KIF16B: variants seen among roughly 807,000 people sequenced by gnomAD.
KIF16B encodes kinesin family member 16B.
Under a neutral mutation model 156.3 loss-of-function variants are expected in KIF16B, and 98 were observed. That is an observed-to-expected ratio of 0.63 (90% CI 0.53 to 0.74). KIF16B has a LOEUF of 0.74. KIF16B is among the 30% of genes least tolerant of loss of function. KIF16B has a pLI of 0.00. For synonymous variants in KIF16B, 564 were observed against 583.7 expected, an observed-to-expected ratio of 0.97 and a Z score of 0.49; for missense variants, 1,421 against 1,606.5, an observed-to-expected ratio of 0.88 and a Z score of 1.97.
chr20:16,473,481 T>C (rs2067721938), intron 12 of KIF16B, among the ~76,000 whole-genome samples: 1 of 152,092 alleles, frequency 6.6e-6, no homozygotes, highest in Non-Finnish European at 1.5e-5. Flanking sequence ...AAACATAAAA[T>C]TGCAAGTTAT....
intron 12 of KIF16B, among the ~76,000 whole-genome samples, chr20:16,484,931 T>A (rs1008506): frequency 0.11 from 17,200 of 152,154 alleles, 1,267 homozygotes; most frequent in Non-Finnish European, 0.17. Flanking sequence ...CGTGGCAGAT[T>A]TTTTTGCAAA....
chr20:16,477,693 A>G (rs962720098), intron 12 of KIF16B, among the ~76,000 whole-genome samples: 1 of 152,196 alleles, frequency 6.6e-6, no homozygotes, highest in African/African-American at 2.4e-5. Flanking sequence ...TGTTTGCTGA[A>G]AAGTTTTCTA....
intron 12 of KIF16B, among the ~76,000 whole-genome samples, chr20:16,455,656 T>C (rs193264420): frequency 6.6e-6 from 1 of 152,066 alleles, no homozygotes; most frequent in Non-Finnish European, 1.5e-5. Flanking sequence ...ATTTTGCATA[T>C]AATAAAGACA....
At chr20:16,339,573 A>C (rs1273182929) in intron 23 of KIF16B, among the ~76,000 whole-genome samples, 1 of 152,118 alleles carries the variant, frequency 6.6e-6, no homozygotes, top group Non-Finnish European at 1.5e-5. Flanking sequence ...AAGCTGGCCT[A>C]CTCAGATGTC....
At chr20:16,453,728 A>T (rs550407348) in intron 12 of KIF16B, among the ~76,000 whole-genome samples, 28 of 152,354 alleles carry the variant, frequency 1.8e-4, no homozygotes, top group African/African-American at 6.3e-4. Context: ...ATTCATTAAC[A>T]TTCCAGAAGA....
chr20:16,282,536 A>G (rs1343438629), intron 25 of KIF16B, among the ~76,000 whole-genome samples: 1 of 152,048 alleles, frequency 6.6e-6, no homozygotes, highest in East Asian at 1.9e-4. Context: ...GCCAAGACCC[A>G]TAGGGTGATG....
At chr20:16,371,969 G>A (rs1451335235) in intron 20 of KIF16B, among the ~76,000 whole-genome samples, 1 of 152,102 alleles carries the variant, frequency 6.6e-6, no homozygotes, top group Non-Finnish European at 1.5e-5. Context: ...AAATGAGGTA[G>A]AACTGAACAA....
At chr20:16,276,594 A>C (rs1346716839) in intron 25 of KIF16B, among the ~76,000 whole-genome samples, 2 of 152,232 alleles carry the variant, frequency 1.3e-5, no homozygotes, top group Non-Finnish European at 2.9e-5. Flanking sequence ...CAGCGACCTC[A>C]AAGTGCTCTA....
intron 1 of KIF16B, among the ~76,000 whole-genome samples, chr20:16,531,926 G>T (rs2069767020): frequency 6.6e-6 from 1 of 151,976 alleles, no homozygotes. Flanking sequence ...AAAATAGCCG[G>T]GTGTGGTGGC....
At chr20:16,284,277 C>T (rs551843677) in intron 25 of KIF16B, among the ~76,000 whole-genome samples, 30 of 152,316 alleles carry the variant, frequency 2.0e-4, no homozygotes, top group African/African-American at 6.7e-4. Flanking sequence ...CAGGTCCTAC[C>T]TGGCAACTAC....
intron 15 of KIF16B, among the ~76,000 whole-genome samples, chr20:16,410,009 ATGTAGG>A (rs1307788467): frequency 2.5e-5 from 3 of 119,664 alleles, no homozygotes; most frequent in East Asian, 6.1e-4. Context: ...ACATATATAT[ATGTAGG>A]TACATATATA....
At chr20:16,340,069 A>G (rs1021450109) in intron 23 of KIF16B, among the ~76,000 whole-genome samples, 1 of 152,206 alleles carries the variant, frequency 6.6e-6, no homozygotes, top group Admixed American at 6.5e-5. Context: ...AAGGATTTCT[A>G]CAATCTGTCT....
At chr20:16,444,043 T>A (rs2146546687) in intron 12 of KIF16B, among the ~76,000 whole-genome samples, 2 of 152,370 alleles carry the variant, frequency 1.3e-5, no homozygotes, top group Middle Eastern at 6.8e-3. Flanking sequence ...GCAAGCCAGC[T>A]ATCTAAACAT....
chr20:16,401,473 G>A (rs2144896), intron 17 of KIF16B, among the ~76,000 whole-genome samples: 16,043 of 152,094 alleles, frequency 0.11, 1,019 homozygotes, highest in Non-Finnish European at 0.15. Flanking sequence ...GAACATCCAC[G>A]CCCAAAGAAA....
rs2064857817 is a variant in KIF16B, at chr20:16,372,912, G to T, written c.3351-1151C>A. Among the ~76,000 whole-genome samples, 7 of 152,284 alleles carry T rather than the reference G, an allele frequency of 4.6e-5. No individual in the cohort carries two copies. In the South Asian group the frequency reaches 1.5e-3, roughly 32 times the overall value. On this transcript the variant is annotated intron_variant, in intron 20 of 25. Coordinates refer to ENST00000354981, the MANE Select transcript of KIF16B (RefSeq NM_024704.5). ...AGGGTTTCACTATGTTGGTCAGGCT[G>T]GTCTTGAACTCCTGACCTCAGGTGA...
chr20:16,542,564 G>A (rs2147239504), intron 1 of KIF16B, among the ~76,000 whole-genome samples: 1 of 152,316 alleles, frequency 6.6e-6, no homozygotes. Context: ...CTAAGGGGGT[G>A]AGATATGAAC....
At chr20:16,275,157 A>C (rs1488672950) in intron 25 of KIF16B, among the ~76,000 whole-genome samples, 1 of 151,456 alleles carries the variant, frequency 6.6e-6, no homozygotes. Flanking sequence ...GGGTTCAAGC[A>C]ATTCTCCTGC....
At chr20:16,468,673 G>C (rs1197440404) in intron 12 of KIF16B, among the ~76,000 whole-genome samples, 1 of 150,244 alleles carries the variant, frequency 6.7e-6, no homozygotes, top group Non-Finnish European at 1.5e-5. Context: ...TAACAATAGA[G>C]AGTAAATATA....
chr20:16,479,178 A>T (rs1262976257), intron 12 of KIF16B, among the ~76,000 whole-genome samples: 1 of 152,244 alleles, frequency 6.6e-6, no homozygotes, highest in Non-Finnish European at 1.5e-5. Context: ...TGCAGCCATA[A>T]AAAGGAGCAA....
Sources: gnomAD v4.1 joint callset for allele counts (sites outside exome capture counted in the v4.1 genomes callset) on GRCh38, gnomAD v4.1.1 for gene constraint, MANE v1.5 for transcripts, NCBI Gene and HGNC (gene_info 2026-07-23, HGNC 2026-07-21) for gene names.